The following AKAP6 variants were observed in gnomAD, a reference collection of about 807,000 sequenced individuals.
AKAP6 encodes A-kinase anchor protein 6.
A neutral mutation model predicts 188.5 loss-of-function variants in AKAP6; 58 were observed. The ratio of observed to expected loss-of-function variants is 0.31; its 90% CI spans 0.25 to 0.38. The LOEUF (loss-of-function observed/expected upper bound fraction) is 0.38. AKAP6 is among the 10% of genes least tolerant of loss of function. The pLI, the probability that AKAP6 is intolerant of heterozygous loss-of-function variation, is 1.00. For missense variants in AKAP6, 2,710 were observed against 2,740.0 expected (o/e 0.99, Z 0.24); for synonymous variants, 989 against 998.6 (o/e 0.99, Z 0.18).
chr14:32,769,141 G>A (rs2032817676), intron 11 of AKAP6, among the ~76,000 whole-genome samples: 1 of 133,594 alleles, frequency 7.5e-6, no homozygotes, highest in African/African-American at 2.8e-5. Context: ...TCCACCTCCT[G>A]GGCTCAAGCC....
chr14:32,585,922 T>C (rs1390523621), intron 5 of AKAP6, among the ~76,000 whole-genome samples: 1 of 152,118 alleles, frequency 6.6e-6, no homozygotes, highest in East Asian at 1.9e-4. Context: ...GGCTGGGTGG[T>C]AAAGGAGTTT....
At chr14:32,479,379 A>C (rs1879226467) in intron 2 of AKAP6, among the ~76,000 whole-genome samples, 1 of 152,222 alleles carries the variant, frequency 6.6e-6, no homozygotes, top group Non-Finnish European at 1.5e-5. Context: ...AAAAATAATC[A>C]GTGGACCACT....
intron 12 of AKAP6, among the ~76,000 whole-genome samples, chr14:32,795,488 T>C (rs2033738728): frequency 6.6e-6 from 1 of 152,158 alleles, no homozygotes; most frequent in Non-Finnish European, 1.5e-5. Flanking sequence ...GTTCAACATA[T>C]GTGAGTCAAT....
chr14:32,630,903 T>A (rs1252037493), intron 7 of AKAP6, among the ~76,000 whole-genome samples: 1 of 152,132 alleles, frequency 6.6e-6, no homozygotes. Flanking sequence ...TCTGATGTAG[T>A]CAGCAGATAT....
chr14:32,701,046 A>G (rs551590616), intron 9 of AKAP6, among the ~76,000 whole-genome samples: 26 of 152,172 alleles, frequency 1.7e-4, no homozygotes, highest in Non-Finnish European at 3.1e-4. Flanking sequence ...AGTTACTCAT[A>G]TGGCTTCATT....
At chr14:32,392,843 T>C (rs1888755512) in intron 1 of AKAP6, among the ~76,000 whole-genome samples, 1 of 152,174 alleles carries the variant, frequency 6.6e-6, no homozygotes, top group South Asian at 2.1e-4. Context: ...CATGAGTTTG[T>C]AGGGTTAAAA....
At chr14:32,497,875 A>C (rs1055398274) in intron 2 of AKAP6, among the ~76,000 whole-genome samples, 3 of 152,046 alleles carry the variant, frequency 2.0e-5, no homozygotes, top group Non-Finnish European at 4.4e-5. Flanking sequence ...TCATCCCTTT[A>C]TCATTATAAA....
chr14:32,702,917 G>T (rs554812216), intron 9 of AKAP6, among the ~76,000 whole-genome samples: 2 of 150,810 alleles, frequency 1.3e-5, no homozygotes, highest in South Asian at 4.1e-4. Context: ...AATCACAACA[G>T]GGCTGGCTCA....
chr14:32,616,107 T>C (rs1886568179), intron 7 of AKAP6, among the ~76,000 whole-genome samples: 2 of 152,136 alleles, frequency 1.3e-5, no homozygotes, highest in Admixed American at 6.5e-5. Flanking sequence ...AAATAACAGA[T>C]GTTAGCAAGA....
At chr14:32,515,106 A>C (rs941593381) in intron 2 of AKAP6, among the ~76,000 whole-genome samples, 1 of 152,232 alleles carries the variant, frequency 6.6e-6, no homozygotes, top group Non-Finnish European at 1.5e-5. Flanking sequence ...GCTCAGTTCC[A>C]CATGGCTGGG....
intron 7 of AKAP6, among the ~76,000 whole-genome samples, chr14:32,652,897 T>A (rs1193874880): frequency 1.3e-5 from 2 of 151,812 alleles, no homozygotes; most frequent in Non-Finnish European, 2.9e-5. Context: ...TACAAAAAAT[T>A]TAAAAATTAG....
chr14:32,717,403 C>T (rs4981999), intron 9 of AKAP6, among the ~76,000 whole-genome samples: 17,985 of 152,028 alleles, frequency 0.12, 1,385 homozygotes, highest in Middle Eastern at 0.21. Context: ...AATTTGCTTC[C>T]TTTTCTGCAA....
At chr14:32,486,910 T>A (rs1411652709) in intron 2 of AKAP6, among the ~76,000 whole-genome samples, 1 of 152,220 alleles carries the variant, frequency 6.6e-6, no homozygotes, top group Non-Finnish European at 1.5e-5. Flanking sequence ...TCAAAGGGAA[T>A]GCTTCCAGCT....
chr14:32,375,298 A>C (rs1319835653), intron 1 of AKAP6, among the ~76,000 whole-genome samples: 1 of 152,216 alleles, frequency 6.6e-6, no homozygotes, highest in Non-Finnish European at 1.5e-5. Context: ...GTATGGAAGT[A>C]CACTACAACA....
intron 4 of AKAP6, among the ~76,000 whole-genome samples, chr14:32,553,260 T>C (rs1883553991): frequency 6.6e-6 from 1 of 151,794 alleles, no homozygotes; most frequent in Non-Finnish European, 1.5e-5. Context: ...CTCCTGGGTC[T>C]CCTGGGTTCA....
At chr14:32,516,596 G>A (rs1482279022) in intron 2 of AKAP6, among the ~76,000 whole-genome samples, 1 of 152,120 alleles carries the variant, frequency 6.6e-6, no homozygotes, top group Non-Finnish European at 1.5e-5. Flanking sequence ...TATATGTAAT[G>A]TGAAATAAAA....
intron 2 of AKAP6, among the ~76,000 whole-genome samples, chr14:32,455,625 T>A (rs990831808): frequency 2.6e-5 from 4 of 152,218 alleles, no homozygotes; most frequent in African/African-American, 9.6e-5. Context: ...CCTTGAAAAT[T>A]AATTTGAAAA....
At chr14:32,737,905 C>A (rs2031502674) in intron 11 of AKAP6, among the ~76,000 whole-genome samples, 1 of 152,124 alleles carries the variant, frequency 6.6e-6, no homozygotes, top group Admixed American at 6.6e-5. Flanking sequence ...GGATCAGGAT[C>A]TTCAGTTTTC....
chr14:32,446,111 T>G (rs1566507129), intron 2 of AKAP6, among the ~76,000 whole-genome samples: 1 of 152,228 alleles, frequency 6.6e-6, no homozygotes, highest in Admixed American at 6.5e-5. Flanking sequence ...GTCATTACCA[T>G]AAGAAGAGAT....
Sources: allele counts gnomAD v4.1 joint callset (sites outside exome capture counted in the v4.1 genomes callset), GRCh38; gene constraint gnomAD v4.1.1; transcripts MANE v1.5; gene names NCBI Gene and HGNC (gene_info 2026-07-23, HGNC 2026-07-21).